RBM41: variants seen among roughly 807,000 people sequenced by gnomAD.
RBM41 encodes the protein RNA binding motif protein 41.
In RBM41, 14 loss-of-function variants were observed where a neutral mutation model predicts 30.8. The observed-to-expected ratio is 0.45, with a 90% CI of 0.30 to 0.71. RBM41 has a LOEUF of 0.71. Ranked by LOEUF, RBM41 falls within the 30% of genes least tolerant of loss-of-function variation. The pLI is 0.08. For synonymous variants in RBM41, 120 were observed against 110.1 expected (o/e 1.09, Z -0.56); for missense variants, 276 against 326.3 (o/e 0.85, Z 1.19).
chrX:107,105,093 T>C (rs1396785814), intron 5 of RBM41, among the ~76,000 whole-genome samples: 4 of 111,363 alleles, frequency 3.6e-5, no homozygotes, highest in Non-Finnish European at 5.7e-5. Flanking sequence ...TGTTTGCAGA[T>C]GACACAATTG....
chrX:107,086,443 C>T (rs1340806964), intron 6 of RBM41, among the ~76,000 whole-genome samples: 1 of 110,081 alleles, frequency 9.1e-6, no homozygotes, highest in African/African-American at 3.3e-5. Context: ...GCCCCCCAGG[C>T]AATTCAGATG....
intron 6 of RBM41, among the ~76,000 whole-genome samples, chrX:107,074,739 A>C (rs762564909): frequency 8.9e-6 from 1 of 112,025 alleles, no homozygotes; most frequent in Non-Finnish European, 1.9e-5. Flanking sequence ...ACTGAAAACT[A>C]CAAATGTTGC....
downstream of RBM41, among the ~76,000 whole-genome samples, chrX:107,060,512 T>C (rs985873104): frequency 9.0e-6 from 1 of 111,284 alleles, no homozygotes; most frequent in Non-Finnish European, 1.9e-5. Context: ...AAGTATCATC[T>C]TGGAAGGGGA....
rs1935900871 is a variant in RBM41 at position 107,067,765 on chromosome X, A to G, written c.1148-72T>C. 2.8e-6 allele frequency: 3 copies of G among 1,076,429 alleles called. No homozygotes were observed. The Admixed American group carries it at 9.0e-5, about 32-fold the overall frequency. 88.7% of individuals were successfully genotyped at this position (1,076,429 alleles called of 1,213,427 possible). A position where few individuals can be genotyped will look rare whatever the true frequency, so the allele number is the denominator to read the frequency against. On this transcript the variant is annotated intron_variant, in intron 7 of 7. Transcript: ENST00000685964. ...CAATTCTATTCCAGGTTTAGTTTAG[A>G]TTATTTTGCCTTGGAGTTAAATGTA...
the RBM41 span, among the ~76,000 whole-genome samples, chrX:107,052,992 T>C: frequency 8.9e-6 from 1 of 112,303 alleles, no homozygotes; most frequent in African/African-American, 3.2e-5. Flanking sequence ...CTCTTCGATT[T>C]TGAAGGACTA....
At chrX:107,071,543 A>G (rs1936065669) in intron 6 of RBM41, among the ~76,000 whole-genome samples, 1 of 112,049 alleles carries the variant, frequency 8.9e-6, no homozygotes, top group African/African-American at 3.2e-5. Flanking sequence ...GCACATTAAA[A>G]AGCTCATACA....
intron 6 of RBM41, among the ~76,000 whole-genome samples, chrX:107,070,642 TAAAGA>T (rs1936022030): frequency 9.0e-6 from 1 of 111,004 alleles, no homozygotes; most frequent in Admixed American, 9.6e-5. Flanking sequence ...ACAACAAACA[TAAAGA>T]AAAGAAAGGA....
Position 107,066,110 on chromosome X carries a change from G to C in RBM41, c.*1417C>G, listed in dbSNP as rs1234106637. 2.7e-5 allele frequency among the ~76,000 whole-genome samples: 3 copies of C among 111,973 alleles called. No homozygotes were observed. Among genetic ancestry groups the C allele is most frequent in the African/African-American group, 6.5e-5 (2 of 30,834 alleles). ...TTGTATATAGGATTATTGGTTGACAGTTATTTTCTTTGAACACTTTGAATG... is the reference window on the plus strand; with the variant it reads ...TTGTATATAGGATTATTGGTTGACACTTATTTTCTTTGAACACTTTGAATG... On this transcript the variant is annotated 3_prime_UTR_variant, in exon 8 of 8. Transcript: ENST00000685964.
chrX:107,073,418 C>A (rs1027368894), intron 6 of RBM41, among the ~76,000 whole-genome samples: 2 of 111,903 alleles, frequency 1.8e-5, no homozygotes, highest in Non-Finnish European at 3.8e-5. Flanking sequence ...CAGGAAAATG[C>A]AAATCAAAAC....
chrX:107,058,148 C>T (rs1937717264), downstream of RBM41, among the ~76,000 whole-genome samples: 2 of 109,266 alleles, frequency 1.8e-5, no homozygotes, highest in Non-Finnish European at 3.8e-5. Context: ...ACAAAATTTG[C>T]CAGGCGTGGT....
chrX:107,083,830 T>C (rs188759615), intron 6 of RBM41, among the ~76,000 whole-genome samples: 4 of 111,352 alleles, frequency 3.6e-5, no homozygotes, highest in African/African-American at 1.3e-4. Flanking sequence ...ACTTAGTATA[T>C]TAATCGTGGT....
Position 107,066,205 on chromosome X carries a change from T to C in RBM41, c.*1322A>G, listed in dbSNP as rs1935831176. 1 of 112,452 alleles carries C rather than the reference T, an allele frequency of 8.9e-6. No homozygotes were observed. Among genetic ancestry groups the C allele is most frequent in the African/African-American group, 3.2e-5 (1 of 30,871 alleles). 9.3% of individuals were successfully genotyped at this position (112,452 alleles called of 1,213,427 possible). A position where few individuals can be genotyped will look rare whatever the true frequency, so the allele number is the denominator to read the frequency against. On this transcript the variant is annotated 3_prime_UTR_variant, in exon 8 of 8. Transcript: ENST00000685964. ...TACTAATTTTATTTGGGTTCCTTGG[T>C]AAGTGATGGCTCATTTTTCTCGTAT...
rs765028263 is a variant in RBM41, at chrX:107,066,845, T to C, written c.*682A>G. The C allele has an allele frequency of 1.4e-6, 1 of 735,368 alleles. No individual in the cohort carries two copies. Among genetic ancestry groups the C allele is most frequent in the East Asian group, 1.5e-4 (1 of 6,498 alleles). The allele number at this position is 735,368 out of a possible 1,213,427, so 60.6% of individuals were successfully genotyped here. On this transcript the variant is annotated 3_prime_UTR_variant, in exon 8 of 8. Transcript: ENST00000685964. ...TATTTAACATATATTAGACACTTAATCAATGTTTATTGCTATGAATTCAAT... is the reference window on the plus strand; with the variant it reads ...TATTTAACATATATTAGACACTTAACCAATGTTTATTGCTATGAATTCAAT...
In RBM41 at chrX:107,064,686, A is replaced by G. The variant is rs1219595518; in HGVS notation, c.*2841T>C. On this transcript the variant is annotated 3_prime_UTR_variant, in exon 8 of 8. Coordinates refer to ENST00000685964, the MANE Select transcript of RBM41 (RefSeq NM_001324242.2). ...ACTTATATTTATTAAGGCTTGTTTTATGCTTTAACTTATGACCTATTTTGG... is the reference window on the plus strand; with the variant it reads ...ACTTATATTTATTAAGGCTTGTTTTGTGCTTTAACTTATGACCTATTTTGG... 1 of 111,902 alleles carries G rather than the reference A, an allele frequency of 8.9e-6. No homozygotes were observed. Among genetic ancestry groups the G allele is most frequent in the Non-Finnish European group, 1.9e-5 (1 of 53,171 alleles). 9.2% of individuals were successfully genotyped at this position (111,902 alleles called of 1,213,427 possible).
chrX:107,114,042 C>T (rs1212675516), intron 4 of RBM41, among the ~76,000 whole-genome samples: 1 of 111,778 alleles, frequency 8.9e-6, no homozygotes, highest in African/African-American at 3.3e-5. Context: ...ATCATCCTTC[C>T]TCGAAATTTC....
the RBM41 span, among the ~76,000 whole-genome samples, chrX:107,054,645 G>A: frequency 8.9e-6 from 1 of 111,928 alleles, no homozygotes; most frequent in African/African-American, 3.2e-5. Context: ...CCTCTTACTT[G>A]CTTTAGGGTT....
At position 107,063,982 on chromosome X, in the gene RBM41, C is replaced by T. The variant is rs1169169785; in HGVS notation, c.*3545G>A. Among the ~76,000 whole-genome samples, 3 of 97,732 alleles carry T rather than the reference C, an allele frequency of 3.1e-5. No homozygotes were observed. Among genetic ancestry groups the T allele is most frequent in the African/African-American group, 1.1e-4 (3 of 26,209 alleles). The allele number at this position is 97,732 out of a possible 115,157, so 84.9% of individuals were successfully genotyped here. A position where few individuals can be genotyped will look rare whatever the true frequency, so the allele number is the denominator to read the frequency against. ...TTTTTTTTTTTTTGAGATGGAGTCT[C>T]GCTCTGCTGCCCAGGCTGGAGTGCA... On this transcript the variant is annotated 3_prime_UTR_variant, in exon 8 of 8. Coordinates refer to ENST00000685964, the MANE Select transcript of RBM41 (RefSeq NM_001324242.2).
At chrX:107,085,321 C>G (rs1462014185) in intron 6 of RBM41, among the ~76,000 whole-genome samples, 1 of 102,854 alleles carries the variant, frequency 9.7e-6, no homozygotes, top group Non-Finnish European at 2.0e-5. Context: ...TGTTGGAGTG[C>G]AGTGGCATGA....
At chrX:107,075,711 T>C (rs1936202055) in intron 6 of RBM41, among the ~76,000 whole-genome samples, 2 of 111,419 alleles carry the variant, frequency 1.8e-5, no homozygotes, top group Admixed American at 1.9e-4. Context: ...ATGGCCATTA[T>C]CAAAAAAAAC....
Sources: gnomAD v4.1 joint callset for allele counts (sites outside exome capture counted in the v4.1 genomes callset) on GRCh38, gnomAD v4.1.1 for gene constraint, MANE v1.5 for transcripts, NCBI Gene and HGNC (gene_info 2026-07-23, HGNC 2026-07-21) for gene names.